Variants in KCNIP4 observed in about 807,000 individuals in gnomAD.
KCNIP4 encodes the protein potassium voltage-gated channel interacting protein 4, also known as Kv channel-interacting protein 4.
In KCNIP4, 12 loss-of-function variants were observed where a neutral mutation model predicts 34.0. The ratio of observed to expected loss-of-function variants is 0.35; its 90% CI spans 0.23 to 0.57. KCNIP4 has a LOEUF of 0.57. Among genes scored for constraint, KCNIP4 ranks in the 20% least tolerant of loss-of-function variants. KCNIP4 has a pLI of 0.83. For missense variants in KCNIP4, 238 were observed against 311.7 expected (o/e 0.76, Z 1.78); for synonymous variants, 124 against 102.2 (o/e 1.21, Z -1.29).
In KCNIP4 at chr4:21,225,298, T is replaced by C. The variant is rs73802513; in HGVS notation, c.62-342589A>G. 9.2e-3 allele frequency among the ~76,000 whole-genome samples: 1,394 copies of C among 152,254 alleles called. 22 individuals carry two copies. Among genetic ancestry groups the C allele is most frequent in the African/African-American group, 0.031 (1,289 of 41,562 alleles). ...GACAGTAGTCCTCAGGCCAGTATAA[T>C]ACAAACATAAAAAGGAAGATCCTTT... On this transcript the variant is annotated intron_variant, in intron 1 of 8. Coordinates refer to ENST00000382152, the MANE Select transcript of KCNIP4 (RefSeq NM_025221.6).
chr4:21,558,478 T>C (rs560362797), intron 1 of KCNIP4, among the ~76,000 whole-genome samples: 1 of 107,514 alleles, frequency 9.3e-6, no homozygotes, highest in South Asian at 3.2e-4. Flanking sequence ...GGCGGCAGAG[T>C]GAGATTCTGT....
intron 1 of KCNIP4, among the ~76,000 whole-genome samples, chr4:21,479,896 A>C (rs987926588): frequency 1.3e-5 from 2 of 151,926 alleles, no homozygotes; most frequent in African/African-American, 4.8e-5. Flanking sequence ...AGTTTTAGGC[A>C]CGAGAATCAT....
At chr4:20,896,055 T>A (rs1726487012) in intron 1 of KCNIP4, among the ~76,000 whole-genome samples, 1 of 152,186 alleles carries the variant, frequency 6.6e-6, no homozygotes, top group Non-Finnish European at 1.5e-5. Flanking sequence ...AATGTTGGAT[T>A]TCTGGCTTCT....
At chr4:21,828,200 A>T (rs980436395) in intron 1 of KCNIP4, among the ~76,000 whole-genome samples, 1 of 151,366 alleles carries the variant, frequency 6.6e-6, no homozygotes, top group Non-Finnish European at 1.5e-5. Context: ...TAGAATTTTT[A>T]AAATAATACA....
intron 1 of KCNIP4, among the ~76,000 whole-genome samples, chr4:20,945,453 A>G (rs1732093609): frequency 6.6e-6 from 1 of 152,164 alleles, no homozygotes; most frequent in South Asian, 2.1e-4. Context: ...GGACATTCAC[A>G]ACTGCCTTGC....
At chr4:20,756,650 C>T (rs1178680173) in intron 4 of KCNIP4, among the ~76,000 whole-genome samples, 1 of 151,886 alleles carries the variant, frequency 6.6e-6, no homozygotes, top group Non-Finnish European at 1.5e-5. Context: ...CTTGTGCGCT[C>T]CACTCCCTAG....
intron 1 of KCNIP4, among the ~76,000 whole-genome samples, chr4:21,090,793 G>C (rs1746928717): frequency 6.6e-6 from 1 of 152,046 alleles, no homozygotes; most frequent in Non-Finnish European, 1.5e-5. Flanking sequence ...GTTTTAGAAG[G>C]TTAGAAATAT....
chr4:21,903,690 G>C (rs1306458305), intron 1 of KCNIP4, among the ~76,000 whole-genome samples: 2 of 151,980 alleles, frequency 1.3e-5, no homozygotes. Flanking sequence ...AAAGATAATA[G>C]GCTATCATGA....
intron 3 of KCNIP4, among the ~76,000 whole-genome samples, chr4:20,802,103 A>ATATATATGCTATATATACGC (rs1714318079): frequency 7.8e-6 from 1 of 127,822 alleles, no homozygotes; most frequent in Non-Finnish European, 1.6e-5. Context: ...CATATTGCAT[A>ATATATATGCTATATATACGC]TATATATGCT....
At position 20,905,509 on chromosome 4, in the gene KCNIP4, CTTTT is replaced by C. The variant is rs10686415; in HGVS notation, c.62-22804_62-22801del. Among the ~76,000 whole-genome samples the C allele has an allele frequency of 3.7e-3, 272 of 72,804 alleles. 4 individuals carry two copies. Among genetic ancestry groups the C allele is most frequent in the African/African-American group, 0.012 (262 of 21,656 alleles). The allele number at this position is 72,804 out of a possible 152,430, so 47.8% of individuals were successfully genotyped here. On this transcript the variant is annotated intron_variant, in intron 1 of 8. Coordinates refer to ENST00000382152, the MANE Select transcript of KCNIP4 (RefSeq NM_025221.6). ...ACACAGGTAGTTGAACGTTTTCTTT[CTTTT>C]TTTTTTTTTTTTGTTTGAGATGGAG...
At chr4:20,765,287 G>T (rs1755297816) in intron 3 of KCNIP4, among the ~76,000 whole-genome samples, 1 of 151,998 alleles carries the variant, frequency 6.6e-6, no homozygotes, top group African/African-American at 2.4e-5. Flanking sequence ...CTTCTATTAG[G>T]ACTGAAAACA....
chr4:20,766,441 C>A (rs191560599), intron 3 of KCNIP4, among the ~76,000 whole-genome samples: 1 of 152,238 alleles, frequency 6.6e-6, no homozygotes, highest in East Asian at 1.9e-4. Flanking sequence ...TGGCACATGC[C>A]TATAATCTGA....
At chr4:21,235,082 TATA>T (rs1334582105) in intron 1 of KCNIP4, among the ~76,000 whole-genome samples, 1 of 152,128 alleles carries the variant, frequency 6.6e-6, no homozygotes, top group Non-Finnish European at 1.5e-5. Flanking sequence ...AAGTAGTCAA[TATA>T]ATGACTATTT....
intron 1 of KCNIP4, among the ~76,000 whole-genome samples, chr4:21,391,304 G>C (rs1722536414): frequency 6.6e-6 from 1 of 151,652 alleles, no homozygotes; most frequent in African/African-American, 2.4e-5. Flanking sequence ...AGTTTATGTT[G>C]GGACACTCAA....
At chr4:21,659,539 T>C (rs1331674816) in intron 1 of KCNIP4, among the ~76,000 whole-genome samples, 1 of 152,228 alleles carries the variant, frequency 6.6e-6, no homozygotes, top group Non-Finnish European at 1.5e-5. Context: ...ATTTTCATTA[T>C]TTTTAATGCA....
At chr4:21,788,259 T>C (rs1720039736) in intron 1 of KCNIP4, among the ~76,000 whole-genome samples, 1 of 151,866 alleles carries the variant, frequency 6.6e-6, no homozygotes, top group Non-Finnish European at 1.5e-5. Flanking sequence ...AAACAAGGAG[T>C]TGAGATTTTT....
rs527749641 is a variant in KCNIP4 at position 20,837,385 on chromosome 4, GCAGGATCACTGGAATA to G, written c.288+13142_288+13157del. On this transcript the variant is annotated intron_variant, in intron 3 of 8. Coordinates refer to ENST00000382152, the MANE Select transcript of KCNIP4 (RefSeq NM_025221.6). Reference sequence around the variant, plus strand: ...TATTTTAATAAAGATTCAAATGCCTGCAGGATCACTGGAATAATTGCCAGTTACACTTCTATTAATG... The same window carrying G: ...TATTTTAATAAAGATTCAAATGCCTGATTGCCAGTTACACTTCTATTAATG... Among the ~76,000 whole-genome samples, 25 of 152,126 alleles carry G rather than the reference GCAGGATCACTGGAATA, an allele frequency of 1.6e-4. No homozygotes were observed. In the East Asian group the frequency reaches 4.8e-3, roughly 29 times the overall value.
At chr4:21,482,324 ATTG>A (rs1157165351) in intron 1 of KCNIP4, among the ~76,000 whole-genome samples, 1 of 152,060 alleles carries the variant, frequency 6.6e-6, no homozygotes, top group Non-Finnish European at 1.5e-5. Context: ...TAAGGTTAAT[ATTG>A]TTATGTGTGA....
At chr4:21,772,588 C>A (rs941406738) in intron 1 of KCNIP4, among the ~76,000 whole-genome samples, 2 of 151,966 alleles carry the variant, frequency 1.3e-5, no homozygotes, top group African/African-American at 4.8e-5. Context: ...TATTAATTAC[C>A]GCCTCAATTT....
Sources: allele counts gnomAD v4.1 joint callset (sites outside exome capture counted in the v4.1 genomes callset), GRCh38; gene constraint gnomAD v4.1.1; transcripts MANE v1.5; gene names NCBI Gene and HGNC (gene_info 2026-07-23, HGNC 2026-07-21).